Variants in ANKS1B observed in about 807,000 individuals in gnomAD.
ANKS1B encodes ankyrin repeat and sterile alpha motif domain containing 1B.
A neutral mutation model predicts 148.3 loss-of-function variants in ANKS1B; 36 were observed. The ratio of observed to expected loss-of-function variants is 0.24; its 90% confidence interval spans 0.19 to 0.32. The LOEUF is 0.32. Ranked by LOEUF, ANKS1B falls within the 10% of genes least tolerant of loss-of-function variation. ANKS1B has a pLI of 1.00. For missense variants in ANKS1B, 1,157 were observed against 1,542.6 expected, an observed-to-expected ratio of 0.75 and a Z score of 4.19; for synonymous variants, 542 against 560.8, an observed-to-expected ratio of 0.97 and a Z score of 0.47.
chr12:99,324,207 T>C (rs190878072), intron 12 of ANKS1B, among the ~76,000 whole-genome samples: 7 of 152,334 alleles, frequency 4.6e-5, no homozygotes, highest in Admixed American at 6.5e-5. Context: ...CTGACATTTA[T>C]CTAAATTTTG....
intron 12 of ANKS1B, among the ~76,000 whole-genome samples, chr12:99,313,796 C>T (rs2083556822): frequency 6.6e-6 from 1 of 152,094 alleles, no homozygotes; most frequent in African/African-American, 2.4e-5. Context: ...TTATGACAAA[C>T]CCACAGCCAA....
intron 9 of ANKS1B, among the ~76,000 whole-genome samples, chr12:99,577,483 T>C (rs1485033465): frequency 1.3e-5 from 2 of 151,226 alleles, no homozygotes; most frequent in Admixed American, 6.6e-5. Flanking sequence ...GACTGCTGGA[T>C]AGATTAATTA....
intron 16 of ANKS1B, among the ~76,000 whole-genome samples, chr12:99,075,442 T>C (rs750849375): frequency 2.6e-5 from 4 of 152,192 alleles, no homozygotes; most frequent in Non-Finnish European, 5.9e-5. Flanking sequence ...TTAACAGTGT[T>C]AAACCACTGA....
chr12:98,972,314 C>T (rs558169641), intron 17 of ANKS1B, among the ~76,000 whole-genome samples: 20 of 152,254 alleles, frequency 1.3e-4, no homozygotes, highest in African/African-American at 4.8e-4. Context: ...TTAACTTAAA[C>T]CTTTTATGGT....
intron 1 of ANKS1B, among the ~76,000 whole-genome samples, chr12:99,898,357 C>T (rs1485917691): frequency 6.6e-6 from 1 of 152,144 alleles, no homozygotes; most frequent in Non-Finnish European, 1.5e-5. Context: ...CAATGATAAC[C>T]TTCTCTGACA....
intron 12 of ANKS1B, among the ~76,000 whole-genome samples, chr12:99,327,328 T>C (rs1180427855): frequency 7.9e-6 from 1 of 126,750 alleles, no homozygotes; most frequent in Non-Finnish European, 1.6e-5. Context: ...TTACATATTA[T>C]ATATAATTAT....
chr12:99,848,861 C>A (rs2087183064), intron 1 of ANKS1B, among the ~76,000 whole-genome samples: 1 of 151,896 alleles, frequency 6.6e-6, no homozygotes, highest in African/African-American at 2.4e-5. Context: ...TACTACACAG[C>A]CATAAAAAGA....
chr12:98,752,162 T>G (rs1447436703), intron 25 of ANKS1B, among the ~76,000 whole-genome samples: 1 of 152,206 alleles, frequency 6.6e-6, no homozygotes, highest in Admixed American at 6.5e-5. Context: ...CTGATTGATG[T>G]CTCATGCCTC....
In ANKS1B at chr12:98,775,873, A is replaced by G. The variant is rs143459514; in HGVS notation, c.3442-2694T>C. ...CTTCTCCCCGACTGTGGAAACTTCT[A>G]CTACTCTGTTCCCATTGTCTAAGCT... On this transcript the variant is annotated intron_variant, in intron 24 of 26. Coordinates refer to ENST00000683438, the MANE Select transcript of ANKS1B (RefSeq NM_001352186.2). 4.3e-4 allele frequency among the ~76,000 whole-genome samples: 65 copies of G among 152,308 alleles called. 1 individual carries two copies. Among genetic ancestry groups the G allele is most frequent in the Non-Finnish European group, 7.5e-4 (51 of 68,026 alleles).
chr12:99,505,221 A>T (rs948745556), intron 9 of ANKS1B, among the ~76,000 whole-genome samples: 1 of 152,168 alleles, frequency 6.6e-6, no homozygotes, highest in Non-Finnish European at 1.5e-5. Context: ...TAACAAGCCA[A>T]GAATGGCAAC....
intron 8 of ANKS1B, among the ~76,000 whole-genome samples, chr12:99,761,995 G>T (rs1036128108): frequency 4.6e-5 from 7 of 152,038 alleles, no homozygotes; most frequent in African/African-American, 1.7e-4. Context: ...CCAGGGAGGT[G>T]AAAGATCTCT....
At chr12:99,304,358 G>A (rs922731900) in intron 12 of ANKS1B, among the ~76,000 whole-genome samples, 4 of 152,020 alleles carry the variant, frequency 2.6e-5, no homozygotes, top group African/African-American at 7.2e-5. Flanking sequence ...TCTTCTTAAC[G>A]CGGTAGTTCA....
intron 17 of ANKS1B, among the ~76,000 whole-genome samples, chr12:99,027,632 T>A (rs1198194633): frequency 6.6e-6 from 1 of 152,244 alleles, no homozygotes; most frequent in Non-Finnish European, 1.5e-5. Flanking sequence ...GAAATTTATG[T>A]TAAGGAACCA....
At chr12:98,774,641 T>A (rs1463965456) in intron 24 of ANKS1B, among the ~76,000 whole-genome samples, 1 of 152,224 alleles carries the variant, frequency 6.6e-6, no homozygotes, top group African/African-American at 2.4e-5. Context: ...TTAATTGCGC[T>A]GTCTTAAATA....
chr12:99,812,511 C>CCACACACA (rs10539640), intron 2 of ANKS1B, among the ~76,000 whole-genome samples, 200 bp from the exon 3 acceptor site: 120 of 126,082 alleles, frequency 9.5e-4, no homozygotes, highest in South Asian at 1.7e-3. Context: ...TCACCCCATG[C>CCACACACA]CACACACACA....
intron 5 of ANKS1B, among the ~76,000 whole-genome samples, chr12:99,781,398 C>G (rs1345026845): frequency 1.3e-5 from 2 of 152,070 alleles, no homozygotes; most frequent in African/African-American, 2.4e-5. Context: ...TGTACCCATG[C>G]CTTTTGATCT....
At chr12:99,591,113 A>G (rs1055846583) in intron 9 of ANKS1B, among the ~76,000 whole-genome samples, 1 of 152,046 alleles carries the variant, frequency 6.6e-6, no homozygotes, top group African/African-American at 2.4e-5. Flanking sequence ...TGTATTTTAA[A>G]GTTAAATAAT....
At chr12:99,622,548 T>C (rs1302441865) in intron 9 of ANKS1B, among the ~76,000 whole-genome samples, 2 of 151,344 alleles carry the variant, frequency 1.3e-5, no homozygotes, top group African/African-American at 4.9e-5. Context: ...ATGACAAAGG[T>C]GACATACAAC....
At chr12:99,193,793 CTT>C (rs34024548) in intron 14 of ANKS1B, among the ~76,000 whole-genome samples, 2,228 of 66,508 alleles carry the variant, frequency 0.033, 10 homozygotes, top group East Asian at 0.13. Context: ...ATTTCTAGTT[CTT>C]TTTTTTTTTT....
Sources: gnomAD v4.1 joint callset for allele counts (sites outside exome capture counted in the v4.1 genomes callset) on GRCh38, gnomAD v4.1.1 for gene constraint, MANE v1.5 for transcripts, NCBI Gene and HGNC (gene_info 2026-07-23, HGNC 2026-07-21) for gene names.